The following NKAIN2 variants were observed in gnomAD, a reference collection of about 807,000 sequenced individuals.
NKAIN2 encodes the protein sodium/potassium-transporting ATPase subunit beta-1-interacting protein 2.
NKAIN2 carries 14 observed loss-of-function variants against 32.6 expected under a neutral mutation model. That is an observed-to-expected ratio of 0.43 (90% CI 0.28 to 0.67). The LOEUF is 0.67. Among genes scored for constraint, NKAIN2 ranks in the 30% least tolerant of loss-of-function variants. The pLI, the probability that NKAIN2 is intolerant of heterozygous loss-of-function variation, is 0.17. For synonymous variants in NKAIN2, 80 were observed against 87.2 expected (o/e 0.92, Z 0.46); for missense variants, 198 against 258.3 (o/e 0.77, Z 1.60).
At chr6:124,492,391 T>C (rs1777899610) in intron 3 of NKAIN2, among the ~76,000 whole-genome samples, 1 of 151,896 alleles carries the variant, frequency 6.6e-6, no homozygotes, top group East Asian at 1.9e-4. Flanking sequence ...ACAGTTCAGT[T>C]AAATGTTCCT....
chr6:123,935,056 T>A (rs2114533211), intron 1 of NKAIN2, among the ~76,000 whole-genome samples: 1 of 147,270 alleles, frequency 6.8e-6, no homozygotes, highest in Non-Finnish European at 1.5e-5. Flanking sequence ...AAATATATAT[T>A]ATATATATAT....
rs1412497242 is a variant in NKAIN2, at chr6:124,416,062, A to G, written c.273+60715A>G. Among the ~76,000 whole-genome samples, 3 of 151,968 alleles carry G rather than the reference A, an allele frequency of 2.0e-5. 1 individual carries two copies. Among genetic ancestry groups the G allele is most frequent in the Admixed American group, 2.0e-4 (3 of 15,256 alleles). On this transcript the variant is annotated intron_variant, in intron 3 of 6. Transcript: ENST00000368417. ...GTTTCTCCTTCTGGAAAGATAGACA[A>G]CAATTTTTTCTATTTCTCCCACTAA...
chr6:124,689,019 G>T (rs1774132745), intron 4 of NKAIN2, among the ~76,000 whole-genome samples: 1 of 152,100 alleles, frequency 6.6e-6, no homozygotes, highest in South Asian at 2.1e-4. Context: ...AGTTCATTTG[G>T]TAAGAGTGTA....
chr6:124,324,446 G>A (rs1199704424), intron 2 of NKAIN2, among the ~76,000 whole-genome samples: 1 of 152,056 alleles, frequency 6.6e-6, no homozygotes, highest in African/African-American at 2.4e-5. Context: ...GTCATAGTCT[G>A]TGATCTTAAC....
intron 1 of NKAIN2, among the ~76,000 whole-genome samples, chr6:123,934,739 C>T (rs951860556): frequency 6.6e-5 from 10 of 152,052 alleles, no homozygotes; most frequent in Non-Finnish European, 1.3e-4. Flanking sequence ...AATTTACATT[C>T]AAAATGTATT....
intron 4 of NKAIN2, among the ~76,000 whole-genome samples, chr6:124,738,337 TAATAAA>T (rs1777049648): frequency 6.6e-6 from 1 of 151,806 alleles, no homozygotes. Flanking sequence ...AACATAGAAA[TAATAAA>T]AATAACTTTT....
intron 4 of NKAIN2, among the ~76,000 whole-genome samples, chr6:124,687,695 T>C (rs1490489708): frequency 2.3e-5 from 1 of 43,644 alleles, no homozygotes; most frequent in Non-Finnish European, 4.9e-5. Flanking sequence ...TATATGAATA[T>C]AGTGAATATA....
At chr6:124,659,130 A>C (rs1412519200) in intron 4 of NKAIN2, among the ~76,000 whole-genome samples, 1 of 152,186 alleles carries the variant, frequency 6.6e-6, no homozygotes, top group Non-Finnish European at 1.5e-5. Context: ...TAATATCATG[A>C]GATGTATAAA....
At chr6:124,567,485 A>G (rs1158869564) in intron 3 of NKAIN2, among the ~76,000 whole-genome samples, 1 of 152,248 alleles carries the variant, frequency 6.6e-6, no homozygotes, top group Non-Finnish European at 1.5e-5. Context: ...CTCCTCAACC[A>G]AAATGTGAGC....
intron 3 of NKAIN2, among the ~76,000 whole-genome samples, chr6:124,361,467 A>G (rs1799285283): frequency 6.6e-6 from 1 of 152,074 alleles, no homozygotes; most frequent in African/African-American, 2.4e-5. Flanking sequence ...GGATTATTGT[A>G]CACTTAAAAC....
At chr6:124,619,680 G>A (rs553953926) in intron 3 of NKAIN2, among the ~76,000 whole-genome samples, 124 of 152,264 alleles carry the variant, frequency 8.1e-4, no homozygotes, top group Non-Finnish European at 1.1e-3. Context: ...GATTTGGCTA[G>A]GGGAACAAGG....
chr6:124,754,750 G>A (rs935005520), intron 4 of NKAIN2, among the ~76,000 whole-genome samples: 4 of 152,056 alleles, frequency 2.6e-5, no homozygotes, highest in Non-Finnish European at 5.9e-5. Flanking sequence ...CCTAAAGACA[G>A]AAATACTATT....
At position 124,432,982 on chromosome 6, in the gene NKAIN2, G is replaced by A. The variant is rs140752413; in HGVS notation, c.273+77635G>A. ...AGTTGTGATCCTCTAAACAGTCAGG[G>A]CATCTAGCTGTCTTTGTATCCCTAG... On this transcript the variant is annotated intron_variant, in intron 3 of 6. Transcript: ENST00000368417. Among the ~76,000 whole-genome samples, 851 of 152,128 alleles carry A rather than the reference G, an allele frequency of 5.6e-3. 1 individual carries two copies. The highest frequency in any genetic ancestry group is 0.02 in the Middle Eastern group (6 of 294).
chr6:124,283,171 C>T, intron 2 of NKAIN2, 29 bp downstream of exon 2: 1 of 1,526,088 alleles, frequency 6.6e-7, no homozygotes, highest in African/African-American at 1.4e-5. Flanking sequence ...TTTTAAAAAT[C>T]TTATTGAACT....
intron 3 of NKAIN2, among the ~76,000 whole-genome samples, chr6:124,526,724 C>T (rs1779327743): frequency 6.6e-6 from 1 of 152,096 alleles, no homozygotes; most frequent in Non-Finnish European, 1.5e-5. Context: ...TTATTGAGCA[C>T]CATCTTGTAA....
At chr6:124,165,696 G>C (rs1057116278) in intron 1 of NKAIN2, among the ~76,000 whole-genome samples, 6 of 141,594 alleles carry the variant, frequency 4.2e-5, no homozygotes, top group Non-Finnish European at 9.1e-5. Context: ...TCCCCAGAGT[G>C]TGATGTTCCC....
chr6:123,926,845 C>A (rs1032085843), intron 1 of NKAIN2, among the ~76,000 whole-genome samples: 7 of 152,294 alleles, frequency 4.6e-5, no homozygotes, highest in Middle Eastern at 6.8e-3. Flanking sequence ...TCCTTCATAA[C>A]CTGACCCAAA....
In NKAIN2 at chr6:124,349,280, G is replaced by A. The variant is rs1418262250; in HGVS notation, c.193-5987G>A. Reference sequence around the variant, plus strand: ...CCCAGGTTACCACACAGGAAGAGGAGAGCCAGCCTGCTCCCCCCTACAAAG... The same window carrying A: ...CCCAGGTTACCACACAGGAAGAGGAAAGCCAGCCTGCTCCCCCCTACAAAG... On this transcript the variant is annotated intron_variant, in intron 2 of 6. Coordinates refer to ENST00000368417, the MANE Select transcript of NKAIN2 (RefSeq NM_001040214.3). 4.6e-5 allele frequency among the ~76,000 whole-genome samples: 7 copies of A among 152,160 alleles called. No homozygotes were observed. In the East Asian group the frequency reaches 1.4e-3, roughly 30 times the overall value.
intron 4 of NKAIN2, among the ~76,000 whole-genome samples, chr6:124,661,226 C>T (rs1257885662): frequency 6.6e-6 from 1 of 152,172 alleles, no homozygotes; most frequent in Non-Finnish European, 1.5e-5. Flanking sequence ...ATAATCTTGG[C>T]TTCTTAGCTC....
Sources: allele counts gnomAD v4.1 joint callset (sites outside exome capture counted in the v4.1 genomes callset), GRCh38; gene constraint gnomAD v4.1.1; transcripts MANE v1.5; gene names NCBI Gene and HGNC (gene_info 2026-07-23, HGNC 2026-07-21).